The following KLF7 variants were observed in gnomAD, a reference collection of about 807,000 sequenced individuals.
The protein encoded by KLF7 is Krueppel-like factor 7.
Under a neutral mutation model 27.3 loss-of-function variants are expected in KLF7, and 2 were observed. That is an observed-to-expected ratio of 0.07 (90% CI 0.03 to 0.23). The LOEUF is 0.23. KLF7 is among the 10% of genes least tolerant of loss of function. The pLI is 1.00. For synonymous variants in KLF7, 165 were observed against 162.4 expected, an observed-to-expected ratio of 1.02 and a Z score of -0.12; for missense variants, 221 against 394.1, an observed-to-expected ratio of 0.56 and a Z score of 3.72.
At position 207,124,480 on chromosome 2, in the gene KLF7, G is replaced by C. The variant is rs113887392; in HGVS notation, c.103-76C>G. ...CCATGAGGCCACACGTTGACAGGCA[G>C]AGGGGGAAGGTGCAGAGAGAATGGT... On this transcript the variant is annotated intron_variant, in intron 1 of 3. Transcript: ENST00000309446. The C allele has an allele frequency of 8.9e-5, 124 of 1,388,782 alleles. No individual in the cohort carries two copies. The African/African-American group carries it at 1.4e-3, about 15-fold the overall frequency. The allele number at this position is 1,388,782 out of a possible 1,614,324, so 86.0% of individuals were successfully genotyped here. A position where few individuals can be genotyped will look rare whatever the true frequency, so the allele number is the denominator to read the frequency against.
chr2:207,109,156 T>C (rs1266648664), intron 2 of KLF7, among the ~76,000 whole-genome samples: 2 of 152,216 alleles, frequency 1.3e-5, no homozygotes, highest in African/African-American at 4.8e-5. Context: ...CTTGCGTTTG[T>C]TTGCATCTTC....
At chr2:207,163,270 T>C (rs1459968110) in intron 1 of KLF7, among the ~76,000 whole-genome samples, 1 of 152,204 alleles carries the variant, frequency 6.6e-6, no homozygotes, top group African/African-American at 2.4e-5. Context: ...TGACGCTGAA[T>C]AAGTTGGCTA....
At chr2:207,170,786 T>C (rs2078779435), upstream of KLF7, among the ~76,000 whole-genome samples, 1 of 152,020 alleles carries the variant, frequency 6.6e-6, no homozygotes, top group African/African-American at 2.4e-5. Context: ...GAAAAAAGAT[T>C]CCTTTCAAAA....
At chr2:207,082,177 C>G (rs2076288092) in intron 3 of KLF7, among the ~76,000 whole-genome samples, 1 of 152,156 alleles carries the variant, frequency 6.6e-6, no homozygotes, top group African/African-American at 2.4e-5. Flanking sequence ...CTTCTGCATT[C>G]TCATTTGTGT....
At chr2:207,164,556 C>A (rs2078643918) in intron 1 of KLF7, among the ~76,000 whole-genome samples, 1 of 150,990 alleles carries the variant, frequency 6.6e-6, no homozygotes, top group African/African-American at 2.4e-5. Flanking sequence ...TTTCCACTGA[C>A]CAGCACTTTC....
chr2:207,109,779 C>T (rs2076978078), intron 2 of KLF7, among the ~76,000 whole-genome samples: 2 of 152,128 alleles, frequency 1.3e-5, no homozygotes, highest in Non-Finnish European at 2.9e-5. Flanking sequence ...ATCTTCAGGC[C>T]ATCAAGATAA....
At chr2:207,092,951 C>T (rs1006254896) in intron 2 of KLF7, among the ~76,000 whole-genome samples, 3 of 152,260 alleles carry the variant, frequency 2.0e-5, no homozygotes, top group African/African-American at 7.2e-5. Flanking sequence ...TGGCCACTGC[C>T]CTGTAGGATA....
intron 2 of KLF7, among the ~76,000 whole-genome samples, chr2:207,111,537 T>C (rs1446551191): frequency 1.3e-5 from 2 of 152,198 alleles, no homozygotes; most frequent in Non-Finnish European, 2.9e-5. Flanking sequence ...TCCTTTCCAA[T>C]TCTGTCAACC....
intron 1 of KLF7, among the ~76,000 whole-genome samples, chr2:207,133,609 C>T (rs777994911): frequency 1.3e-5 from 2 of 152,130 alleles, no homozygotes; most frequent in Non-Finnish European, 2.9e-5. Flanking sequence ...TCTTGACGAG[C>T]GCTTGTGTCA....
chr2:207,080,948 T>A lies in KLF7; in HGVS notation c.*265A>T, dbSNP rs184844475. ...CCTTGCTGAGTTCACCTGGTTTCCTTCTTCATCTTCTTCCATCTGGCTAGG... is the reference window on the plus strand; with the variant it reads ...CCTTGCTGAGTTCACCTGGTTTCCTACTTCATCTTCTTCCATCTGGCTAGG... On this transcript the variant is annotated 3_prime_UTR_variant, in exon 4 of 4. Coordinates refer to ENST00000309446, the MANE Select transcript of KLF7 (RefSeq NM_003709.4). 331 of 437,774 alleles carry A rather than the reference T, an allele frequency of 7.6e-4. No homozygotes were observed. The highest frequency in any genetic ancestry group is 1.2e-3 in the Non-Finnish European group (290 of 248,464). The allele number at this position is 437,774 out of a possible 1,614,324, so 27.1% of individuals were successfully genotyped here. A position where few individuals can be genotyped will look rare whatever the true frequency, so the allele number is the denominator to read the frequency against.
chr2:207,103,862 G>C (rs1285426875), intron 2 of KLF7, among the ~76,000 whole-genome samples: 2 of 152,216 alleles, frequency 1.3e-5, no homozygotes, highest in Admixed American at 1.3e-4. Context: ...CACACAGGCA[G>C]CGTAATTATT....
Position 207,081,166 on chromosome 2 carries a change from C to T in KLF7, c.*47G>A, listed in dbSNP as rs1292977542. On this transcript the variant is annotated 3_prime_UTR_variant, in exon 4 of 4. Coordinates refer to ENST00000309446, the MANE Select transcript of KLF7 (RefSeq NM_003709.4). ...TCCAGCCCCCTGCCTCATGGCGTTT[C>T]CTTTAGACACTAGCCGATGCCATGG... is the stretch of plus-strand genomic sequence containing the variant. 1.3e-6 allele frequency: 2 copies of T among 1,577,690 alleles called. No homozygotes were observed. The highest frequency in any genetic ancestry group is 1.7e-5 in the Admixed American group (1 of 59,946).
rs1200640168 is a variant in KLF7 at position 207,077,370 on chromosome 2, ATTT to A, written c.*3840_*3842del. ...AAAATCTTCTCTGAAGCCAGAGAAGATTTTTTAAAACTAGGATTCAGTTCTGCT... is the reference window on the plus strand; with the variant it reads ...AAAATCTTCTCTGAAGCCAGAGAAGATTTAAAACTAGGATTCAGTTCTGCT... On this transcript the variant is annotated 3_prime_UTR_variant, in exon 4 of 4. Coordinates refer to ENST00000309446, the MANE Select transcript of KLF7 (RefSeq NM_003709.4). 6.6e-6 allele frequency: 1 copy of A among 152,128 alleles called. No individual in the cohort carries two copies. The highest frequency in any genetic ancestry group is 1.5e-5 in the Non-Finnish European group (1 of 68,010). The allele number at this position is 152,128 out of a possible 1,614,324, so 9.4% of individuals were successfully genotyped here.
At chr2:207,130,448 A>G (rs1574520688) in intron 1 of KLF7, among the ~76,000 whole-genome samples, 1 of 152,342 alleles carries the variant, frequency 6.6e-6, no homozygotes, top group East Asian at 1.9e-4. Context: ...TATTTCTTAT[A>G]CCATACGTTC....
intron 2 of KLF7, among the ~76,000 whole-genome samples, chr2:207,098,793 T>C (rs2105901131): frequency 6.9e-6 from 1 of 144,852 alleles, no homozygotes; most frequent in South Asian, 2.3e-4. Context: ...TTTTTTTTTT[T>C]TTTTTTTGTA....
intron 2 of KLF7, among the ~76,000 whole-genome samples, chr2:207,090,900 A>G (rs956925908): frequency 2.0e-5 from 3 of 152,062 alleles, no homozygotes; most frequent in African/African-American, 7.2e-5. Context: ...AAAAAAGGAG[A>G]ATGAGGCACC....
intron 2 of KLF7, among the ~76,000 whole-genome samples, chr2:207,111,310 G>T (rs536998441): frequency 6.6e-6 from 1 of 152,276 alleles, no homozygotes; most frequent in African/African-American, 2.4e-5. Context: ...AAAGTTCAGG[G>T]AAGGCCCATC....
intron 3 of KLF7, among the ~76,000 whole-genome samples, chr2:207,084,618 G>A (rs2076346124): frequency 6.6e-6 from 1 of 152,024 alleles, no homozygotes; most frequent in African/African-American, 2.4e-5. Flanking sequence ...CCCCAGCAAG[G>A]TACTTAGTCA....
intron 1 of KLF7, among the ~76,000 whole-genome samples, chr2:207,152,263 T>A (rs909741045): frequency 7.2e-6 from 1 of 139,326 alleles, no homozygotes; most frequent in Admixed American, 7.1e-5. Flanking sequence ...ACTGGTTACA[T>A]GTTTTTCTTA....
Sources: allele counts gnomAD v4.1 joint callset (sites outside exome capture counted in the v4.1 genomes callset), GRCh38; gene constraint gnomAD v4.1.1; transcripts MANE v1.5; gene names NCBI Gene and HGNC (gene_info 2026-07-23, HGNC 2026-07-21).